Variants in TXNDC16 observed in about 807,000 individuals in gnomAD.
The protein encoded by TXNDC16 is thioredoxin domain-containing protein 16.
In TXNDC16, 74 loss-of-function variants were observed where a neutral mutation model predicts 85.6. That is an observed-to-expected ratio of 0.86 (90% CI 0.72 to 1.05). The LOEUF is 1.05. TXNDC16 is among the 50% of genes least tolerant of loss of function. The pLI, the probability that TXNDC16 is intolerant of heterozygous loss-of-function variation, is 0.00. For missense variants in TXNDC16, 959 were observed against 947.0 expected, an observed-to-expected ratio of 1.01 and a Z score of -0.17; for synonymous variants, 335 against 326.5, an observed-to-expected ratio of 1.03 and a Z score of -0.28.
intron 16 of TXNDC16, among the ~76,000 whole-genome samples, chr14:52,464,436 A>C (rs74806888): frequency 0.013 from 2,034 of 152,178 alleles, 44 homozygotes; most frequent in African/African-American, 0.046. Flanking sequence ...GCTTTTTATG[A>C]TCTGAAGACT....
At chr14:52,453,624 C>T (rs913779438) in intron 18 of TXNDC16, among the ~76,000 whole-genome samples, 3 of 152,088 alleles carry the variant, frequency 2.0e-5, no homozygotes, top group African/African-American at 7.2e-5. Context: ...GGAGCTAAAA[C>T]TTAAAACAAT....
intron 4 of TXNDC16, among the ~76,000 whole-genome samples, chr14:52,542,107 C>A (rs2037843439): frequency 6.6e-6 from 1 of 152,054 alleles, no homozygotes; most frequent in Admixed American, 6.6e-5. Flanking sequence ...AAAAATGATA[C>A]CATGGGCCCA....
intron 3 of TXNDC16, among the ~76,000 whole-genome samples, 160 bp from the exon 4 acceptor site, chr14:52,542,613 C>T (rs1186152148): frequency 6.6e-6 from 1 of 152,060 alleles, no homozygotes; most frequent in African/African-American, 2.4e-5. Flanking sequence ...TTTACTATTG[C>T]CTCATTATTC....
chr14:52,440,530 C>A lies in TXNDC16; in HGVS notation c.2003+34G>T, dbSNP rs773088002. On this transcript the variant is annotated intron_variant, in intron 19 of 20. Transcript: ENST00000281741. The stretch of plus-strand genomic sequence containing the variant: ...AATGTAATAATTATTACTTTCTTTA[C>A]CTCTTACATATTAAAAAATAAACAC... The A allele has an allele frequency of 3.3e-6, 5 of 1,498,674 alleles. No homozygotes were observed. The South Asian group carries it at 5.4e-5, about 16-fold the overall frequency. The allele number at this position is 1,498,674 out of a possible 1,614,324, so 92.8% of individuals were successfully genotyped here. A position where few individuals can be genotyped will look rare whatever the true frequency, so the allele number is the denominator to read the frequency against.
At chr14:52,504,111 G>C (rs1294783190) in intron 9 of TXNDC16, among the ~76,000 whole-genome samples, 1 of 152,222 alleles carries the variant, frequency 6.6e-6, no homozygotes, top group Non-Finnish European at 1.5e-5. Flanking sequence ...ACCTGAAAGT[G>C]AGGGGGAGGA....
chr14:52,482,964 A>G lies in TXNDC16; in HGVS notation c.1110T>C (p.Asp370=), dbSNP rs765173558. ...EDNDMEGPDI[D]VQDDEVAETV... ...TTTCTGCCACTTCATCATCCTGAAC[A>G]TCTAAAATGTTGGAAAAGAAATTAA... is the stretch of plus-strand genomic sequence containing the variant. The change falls in exon 13 of 21, where the codon GAT becomes GAC. Residue 370 remains aspartate, a splice_region_variant and synonymous_variant. Transcript: ENST00000281741. The G allele has an allele frequency of 6.3e-7, 1 of 1,597,568 alleles. No individual in the cohort carries two copies.
At chr14:52,515,281 T>A (rs1392661819) in intron 7 of TXNDC16, among the ~76,000 whole-genome samples, 1 of 152,154 alleles carries the variant, frequency 6.6e-6, no homozygotes, top group Non-Finnish European at 1.5e-5. Flanking sequence ...ACCATACAAC[T>A]TTCATGTTAG....
intron 6 of TXNDC16, among the ~76,000 whole-genome samples, chr14:52,530,444 A>G (rs1314981704): frequency 6.4e-5 from 1 of 15,534 alleles, no homozygotes; most frequent in Non-Finnish European, 9.3e-5. Context: ...TATATAATAT[A>G]TTATTATATA....
In TXNDC16 at chr14:52,502,941, G is replaced by A. The variant is rs530852884; in HGVS notation, c.756+8299C>T. On this transcript the variant is annotated intron_variant, in intron 9 of 20. Transcript: ENST00000281741. The stretch of plus-strand genomic sequence containing the variant: ...AAGGAGATTATATCCCGCGCTTGAG[G>A]GCTCCGAGGGTCCTATGCCCACAGA... 2.0e-5 allele frequency among the ~76,000 whole-genome samples: 3 copies of A among 152,318 alleles called. No homozygotes were observed. In the South Asian group the frequency reaches 6.2e-4, roughly 32 times the overall value.
At chr14:52,488,763 G>A (rs777558936) in intron 11 of TXNDC16, among the ~76,000 whole-genome samples, 2 of 148,880 alleles carry the variant, frequency 1.3e-5, no homozygotes, top group Admixed American at 6.8e-5. Context: ...GAACCCAGGA[G>A]GCAGAGGTTG....
At chr14:52,462,989 G>C (rs1566540652) in intron 16 of TXNDC16, 2 of 455,586 alleles carry the variant, frequency 4.4e-6, no homozygotes, top group East Asian at 7.0e-5. Context: ...GCAAGAAAAA[G>C]AAACAAAGGG....
At chr14:52,527,699 C>T (rs542290586) in intron 6 of TXNDC16, among the ~76,000 whole-genome samples, 3 of 152,274 alleles carry the variant, frequency 2.0e-5, no homozygotes, top group Non-Finnish European at 4.4e-5. Flanking sequence ...GATAGCGCTA[C>T]CGTGCTACTC....
rs568277839 is a variant in TXNDC16 at position 52,463,727 on chromosome 14, T to A, written c.1618+6310A>T. Among the ~76,000 whole-genome samples, 5 of 152,318 alleles carry A rather than the reference T, an allele frequency of 3.3e-5. No individual in the cohort carries two copies. The East Asian group carries it at 7.7e-4, about 23-fold the overall frequency. ...CAGTTCACTACTTATAGAGAAACCT[T>A]TAGTCTGAACTTAAAATATATACGG... On this transcript the variant is annotated intron_variant, in intron 16 of 20. Transcript: ENST00000281741.
At chr14:52,490,539 C>G (rs1197830086) in intron 10 of TXNDC16, 88 bp from the exon 11 acceptor site, 1 of 1,004,938 alleles carries the variant, frequency 1.0e-6, no homozygotes. Context: ...GAACTACATT[C>G]TTATACTAAA....
intron 18 of TXNDC16, among the ~76,000 whole-genome samples, chr14:52,454,186 G>A (rs546254334): frequency 6.6e-6 from 1 of 152,212 alleles, no homozygotes; most frequent in South Asian, 2.1e-4. Context: ...AGCACTTTGG[G>A]AGGCCAAGGC....
chr14:52,447,967 T>C (rs1241702349), intron 18 of TXNDC16, among the ~76,000 whole-genome samples: 1 of 150,612 alleles, frequency 6.6e-6, no homozygotes, highest in Non-Finnish European at 1.5e-5. Flanking sequence ...TTACTGAGCT[T>C]GAAGACAGGC....
chr14:52,522,741 A>G (rs1268966344), intron 6 of TXNDC16, among the ~76,000 whole-genome samples: 2 of 152,166 alleles, frequency 1.3e-5, no homozygotes, highest in Non-Finnish European at 2.9e-5. Flanking sequence ...TAGCCCTTCT[A>G]TCAAGGCTGA....
rs1208445757 is a variant in TXNDC16, at chr14:52,487,246, T to A, written c.1108+1117A>T. 6.6e-5 allele frequency among the ~76,000 whole-genome samples: 10 copies of A among 152,220 alleles called. 1 individual carries two copies. The South Asian group carries it at 2.1e-3, about 32-fold the overall frequency. ...AACTCCAGAGAGGAACACAAGCAAT[T>A]CTAACCCCTGCATATCGGAAAAGAA... On this transcript the variant is annotated intron_variant, in intron 12 of 20. Coordinates refer to ENST00000281741, the MANE Select transcript of TXNDC16 (RefSeq NM_020784.3).
At chr14:52,508,485 A>C (rs1203198481) in intron 9 of TXNDC16, among the ~76,000 whole-genome samples, 3 of 152,340 alleles carry the variant, frequency 2.0e-5, no homozygotes, top group Non-Finnish European at 4.4e-5. Flanking sequence ...AAACTAGTTC[A>C]ACCATTGTGG....
Sources: allele counts gnomAD v4.1 joint callset (sites outside exome capture counted in the v4.1 genomes callset), GRCh38; gene constraint gnomAD v4.1.1; transcripts MANE v1.5; gene names NCBI Gene and HGNC (gene_info 2026-07-23, HGNC 2026-07-21).